FARP1: variants seen among roughly 807,000 people sequenced by gnomAD.
FARP1 encodes FERM, ARHGEF and pleckstrin domain-containing protein 1.
A neutral mutation model predicts 128.8 loss-of-function variants in FARP1; 52 were observed. The observed-to-expected ratio is 0.40, with a 90% CI of 0.32 to 0.51. FARP1 has a LOEUF of 0.51. FARP1 is among the 20% of genes least tolerant of loss of function. The pLI is 0.45. For missense variants in FARP1, 1,333 were observed against 1,367.9 expected, an observed-to-expected ratio of 0.97 and a Z score of 0.40; for synonymous variants, 580 against 551.8, an observed-to-expected ratio of 1.05 and a Z score of -0.72.
chr13:98,371,384 C>T (rs1889321205), intron 5 of FARP1, among the ~76,000 whole-genome samples: 1 of 152,104 alleles, frequency 6.6e-6, no homozygotes, highest in Admixed American at 6.6e-5. Context: ...GGTACATTGC[C>T]AGCTCCTCTG....
intron 1 of FARP1, among the ~76,000 whole-genome samples, chr13:98,146,503 C>T (rs1875574684): frequency 6.6e-6 from 1 of 152,234 alleles, no homozygotes. Context: ...GCTGGGATTA[C>T]AGGCGTGAGT....
At chr13:98,295,488 A>C (rs1885648136) in intron 2 of FARP1, among the ~76,000 whole-genome samples, 2 of 152,196 alleles carry the variant, frequency 1.3e-5, no homozygotes, top group Admixed American at 1.3e-4. Flanking sequence ...TATAAACTCC[A>C]GATTTGTCAA....
intron 2 of FARP1, among the ~76,000 whole-genome samples, chr13:98,277,109 T>TACAC (rs368911842): frequency 0.019 from 2,298 of 118,188 alleles, 60 homozygotes; most frequent in African/African-American, 0.063. Flanking sequence ...TCTAGAAAAA[T>TACAC]ACACACACAC....
At chr13:98,368,603 G>A (rs180954301) in intron 5 of FARP1, among the ~76,000 whole-genome samples, 3 of 152,314 alleles carry the variant, frequency 2.0e-5, no homozygotes, top group East Asian at 3.9e-4. Flanking sequence ...GTGTGACCGC[G>A]TGGAAGAAGT....
At chr13:98,213,156 G>A in intron 1 of FARP1, 64 bp from the exon 2 acceptor site, 1 of 1,380,838 alleles carries the variant, frequency 7.2e-7, no homozygotes, top group Non-Finnish European at 9.9e-7. Context: ...GGTTCAAGGT[G>A]GCACACAGCT....
In FARP1 at chr13:98,330,095, T is replaced by A. The variant is rs912271454; in HGVS notation, c.172-13667T>A. The A allele has an allele frequency of 2.0e-5, 3 of 152,388 alleles. No individual in the cohort carries two copies. In the East Asian group the frequency reaches 5.8e-4, roughly 29 times the overall value. The allele number at this position is 152,388 out of a possible 1,614,324, so 9.4% of individuals were successfully genotyped here. On this transcript the variant is annotated intron_variant, in intron 2 of 26. Transcript: ENST00000319562. ...AGGTGAGGGAATTAGCCACAAAGAT[T>A]TCTGGGGACAGAGTGTTCCAGCCTG...
At chr13:98,275,336 G>GGAGAGAGAGAGAGA (rs58331449) in intron 2 of FARP1, among the ~76,000 whole-genome samples, 1 of 143,596 alleles carries the variant, frequency 7.0e-6, no homozygotes, top group Non-Finnish European at 1.5e-5. Context: ...ATGTGGGTAA[G>GGAGAGAGAGAGAGA]GAGAGAGAGA....
At chr13:98,164,149 A>T (rs1210110479) in intron 1 of FARP1, among the ~76,000 whole-genome samples, 1 of 152,222 alleles carries the variant, frequency 6.6e-6, no homozygotes, top group African/African-American at 2.4e-5. Context: ...GAGTTTACCT[A>T]ATAGCATGTA....
chr13:98,264,578 T>G (rs562087101), intron 2 of FARP1, among the ~76,000 whole-genome samples: 79 of 152,310 alleles, frequency 5.2e-4, no homozygotes, highest in African/African-American at 1.8e-3. Flanking sequence ...GCAATCTGGA[T>G]ATGCCAAAGA....
Position 98,143,787 on chromosome 13 carries a change from C to T in FARP1, c.-24+295C>T, listed in dbSNP as rs370447524. ...GGGCTGCGGGGCTCCGCGCCGGTCCCCGCTCGCCTCCCCCGACCCCGGCGC... is the reference window on the plus strand; with the variant it reads ...GGGCTGCGGGGCTCCGCGCCGGTCCTCGCTCGCCTCCCCCGACCCCGGCGC... On this transcript the variant is annotated intron_variant, in intron 1 of 26. Coordinates refer to ENST00000319562, the MANE Select transcript of FARP1 (RefSeq NM_005766.4). 7.2e-5 allele frequency among the ~76,000 whole-genome samples: 11 copies of T among 151,746 alleles called. 1 individual carries two copies. In the East Asian group the frequency reaches 1.9e-3, roughly 27 times the overall value.
intron 1 of FARP1, among the ~76,000 whole-genome samples, chr13:98,199,195 C>A (rs1476696916): frequency 6.6e-6 from 1 of 151,924 alleles, no homozygotes; most frequent in African/African-American, 2.4e-5. Flanking sequence ...ACCATGCCAT[C>A]TGCCATCACT....
At chr13:98,280,385 T>C (rs1266318035) in intron 2 of FARP1, among the ~76,000 whole-genome samples, 1 of 152,076 alleles carries the variant, frequency 6.6e-6, no homozygotes, top group African/African-American at 2.4e-5. Context: ...CTCTCATGCC[T>C]TCCTGAGCAG....
intron 1 of FARP1, among the ~76,000 whole-genome samples, chr13:98,164,805 C>T (rs1468193090): frequency 5.3e-5 from 8 of 152,098 alleles, no homozygotes; most frequent in Non-Finnish European, 8.8e-5. Context: ...GTGGGTCGGC[C>T]GCAGTGGCTC....
At chr13:98,153,303 TTTATATATA>T (rs1566669860) in intron 1 of FARP1, among the ~76,000 whole-genome samples, 2 of 55,386 alleles carry the variant, frequency 3.6e-5, no homozygotes, top group Non-Finnish European at 8.0e-5. Flanking sequence ...TATAAATATA[TTTATATATA>T]AAATATATAA....
At chr13:98,325,165 G>T (rs1188682670) in intron 2 of FARP1, among the ~76,000 whole-genome samples, 3 of 152,164 alleles carry the variant, frequency 2.0e-5, no homozygotes, top group African/African-American at 7.2e-5. Context: ...TATGGTTTAT[G>T]CATTTGATGT....
chr13:98,307,814 G>A (rs1886232921), intron 2 of FARP1, among the ~76,000 whole-genome samples: 1 of 151,984 alleles, frequency 6.6e-6, no homozygotes, highest in Non-Finnish European at 1.5e-5. Flanking sequence ...CTCTGCCAGA[G>A]TTTCTAAAGC....
intron 2 of FARP1, among the ~76,000 whole-genome samples, chr13:98,275,202 A>G (rs1429958612): frequency 6.6e-6 from 1 of 152,156 alleles, no homozygotes; most frequent in Admixed American, 6.6e-5. Context: ...ATGTTACAGA[A>G]TATCGTAAAC....
intron 1 of FARP1, among the ~76,000 whole-genome samples, chr13:98,174,473 G>C (rs1035613922): frequency 9.9e-5 from 15 of 152,148 alleles, no homozygotes; most frequent in Non-Finnish European, 2.9e-5. Context: ...TTCTTCTTTT[G>C]TGCAGATTCC....
rs766311227 is a variant in FARP1, at chr13:98,440,198, C to T, written c.2592C>T (p.Pro864=). The change falls in exon 23 of 27, where the codon CCC becomes CCT. Residue 864 remains proline (P), a synonymous_variant. Transcript: ENST00000319562. ...ACCTGGCGGAGAAGAGCAGCAGCCC[C>T]GCCCCTGAGTTCCTGGCCAGCAGCC... ...AIDLAEKSSS[P]APEFLASSPP... 4.3e-6 allele frequency: 7 copies of T among 1,613,908 alleles called. No homozygotes were observed. Among genetic ancestry groups the T allele is most frequent in the African/African-American group, 4.0e-5 (3 of 74,920 alleles).
Sources: allele counts gnomAD v4.1 joint callset (sites outside exome capture counted in the v4.1 genomes callset), GRCh38; gene constraint gnomAD v4.1.1; transcripts MANE v1.5; gene names NCBI Gene and HGNC (gene_info 2026-07-23, HGNC 2026-07-21).